Variants in FTO observed in about 807,000 individuals in gnomAD.
The protein encoded by FTO is alpha-ketoglutarate-dependent dioxygenase FTO.
A neutral mutation model predicts 63.9 loss-of-function variants in FTO; 47 were observed. That is an observed-to-expected ratio of 0.74 (90% CI 0.58 to 0.94). The LOEUF (loss-of-function observed/expected upper bound fraction) is 0.94, where lower values mean the gene tolerates loss of function less well. Among genes scored for constraint, FTO ranks in the 40% least tolerant of loss-of-function variants. The pLI, the probability that FTO is intolerant of heterozygous loss-of-function variation, is 0.00. For missense variants in FTO, 562 were observed against 618.1 expected (o/e 0.91, Z 0.96); for synonymous variants, 207 against 224.4 (o/e 0.92, Z 0.69).
At chr16:53,893,056 T>C (rs2081192839) in intron 7 of FTO, among the ~76,000 whole-genome samples, 1 of 152,164 alleles carries the variant, frequency 6.6e-6, no homozygotes, top group Non-Finnish European at 1.5e-5. Flanking sequence ...GCGGATAGTT[T>C]TACTCCATCC....
intron 1 of FTO, among the ~76,000 whole-genome samples, chr16:53,789,794 A>G (rs1226094941): frequency 6.7e-6 from 1 of 150,304 alleles, no homozygotes; most frequent in Admixed American, 6.6e-5. Context: ...ATATGTATGT[A>G]TGTATACATG....
At chr16:54,032,580 CCAAA>C (rs1440715580) in intron 8 of FTO, among the ~76,000 whole-genome samples, 7 of 152,264 alleles carry the variant, frequency 4.6e-5, no homozygotes, top group East Asian at 1.9e-4. Flanking sequence ...GAAAAAGAAT[CCAAA>C]CAGTTTGTTG....
chr16:53,976,009 T>C (rs1295493114), intron 8 of FTO, among the ~76,000 whole-genome samples: 1 of 152,198 alleles, frequency 6.6e-6, no homozygotes, highest in African/African-American at 2.4e-5. Flanking sequence ...GACTCTGTGC[T>C]ACCTCTCCAA....
rs561854258 is a variant in FTO, at chr16:53,880,052, C to T, written c.1119+65C>T. 8.8e-5 allele frequency: 108 copies of T among 1,233,840 alleles called. No individual in the cohort carries two copies. In the South Asian group the frequency reaches 1.0e-3, roughly 12 times the overall value. The allele number at this position is 1,233,840 out of a possible 1,614,324, so 76.4% of individuals were successfully genotyped here. On this transcript the variant is annotated intron_variant, in intron 6 of 8. Transcript: ENST00000471389. ...CTCTGTCACCCAGGCTGGAGTGCAG[C>T]GGCATGACCTCGGCTCACTACAACC...
intron 8 of FTO, chr16:53,935,590 A>G (rs748158228): frequency 6.6e-6 from 1 of 152,158 alleles, no homozygotes; most frequent in Non-Finnish European, 1.5e-5. Context: ...GTTTATAAAA[A>G]TAGACACAGG....
chr16:54,086,720 T>A, intron 8 of FTO, among the ~76,000 whole-genome samples: 1 of 152,214 alleles, frequency 6.6e-6, no homozygotes, highest in East Asian at 1.9e-4. Flanking sequence ...TCTCAATGAT[T>A]TTCTGTCTCT....
chr16:53,820,365 A>G (rs1168906101), intron 2 of FTO, among the ~76,000 whole-genome samples: 1 of 152,148 alleles, frequency 6.6e-6, no homozygotes, highest in Non-Finnish European at 1.5e-5. Flanking sequence ...TATTAAACTA[A>G]TAATAGTTTA....
At chr16:54,028,248 G>T (rs1172968761) in intron 8 of FTO, among the ~76,000 whole-genome samples, 1 of 152,118 alleles carries the variant, frequency 6.6e-6, no homozygotes, top group African/African-American at 2.4e-5. Context: ...GATCCCTTTG[G>T]CTTGGCCCAC....
rs542537087 is a variant in FTO at position 54,106,213 on chromosome 16, C to T, written c.1365-5549C>T. On this transcript the variant is annotated intron_variant, in intron 8 of 8. Coordinates refer to ENST00000471389, the MANE Select transcript of FTO (RefSeq NM_001080432.3). ...CGATCTTCTAAATGTAAGTGCAGCC[C>T]TGGGGGAAATCAGCGGGCAGTGACG... 1.6e-4 allele frequency among the ~76,000 whole-genome samples: 25 copies of T among 152,108 alleles called. No individual in the cohort carries two copies. The South Asian group carries it at 5.0e-3, about 30-fold the overall frequency.
intron 8 of FTO, among the ~76,000 whole-genome samples, chr16:54,061,029 A>G (rs2085557013): frequency 6.6e-6 from 1 of 152,198 alleles, no homozygotes; most frequent in Non-Finnish European, 1.5e-5. Context: ...ACTCTCTGCT[A>G]AACAGACTCC....
chr16:53,937,393 C>G (rs1010614319), intron 8 of FTO: 1 of 396,034 alleles, frequency 2.5e-6, no homozygotes, highest in Non-Finnish European at 4.4e-6. Context: ...TTTTAAAGAA[C>G]TGGGCGAGCC....
At chr16:53,753,639 C>T (rs1308801554) in intron 1 of FTO, among the ~76,000 whole-genome samples, 2 of 152,210 alleles carry the variant, frequency 1.3e-5, no homozygotes, top group African/African-American at 4.8e-5. Flanking sequence ...CCCACATTCA[C>T]TCAGTAAGAC....
At chr16:54,047,297 C>T in intron 8 of FTO, among the ~76,000 whole-genome samples, 1 of 11,394 alleles carries the variant, frequency 8.8e-5, no homozygotes, top group Non-Finnish European at 2.1e-4. Context: ...AAAAAGTGGG[C>T]AAAGGACATG....
intron 8 of FTO, among the ~76,000 whole-genome samples, chr16:53,957,362 G>A (rs894662844): frequency 2.6e-5 from 4 of 152,170 alleles, no homozygotes; most frequent in Non-Finnish European, 5.9e-5. Flanking sequence ...ATTCTTCAGA[G>A]TGTGTTGCTT....
chr16:53,965,704 T>C (rs1036190018), intron 8 of FTO: 1 of 152,132 alleles, frequency 6.6e-6, no homozygotes, highest in East Asian at 1.9e-4. Flanking sequence ...ATTCTCTCTT[T>C]TCTCTCTGTT....
intron 1 of FTO, among the ~76,000 whole-genome samples, chr16:53,759,036 A>G (rs969760126): frequency 2.0e-5 from 3 of 152,176 alleles, no homozygotes; most frequent in African/African-American, 4.8e-5. Context: ...GATAGATAAA[A>G]TGAGATTGGC....
chr16:53,851,051 A>G (rs927489203), intron 4 of FTO, among the ~76,000 whole-genome samples: 13 of 152,140 alleles, frequency 8.5e-5, no homozygotes, highest in African/African-American at 2.7e-4. Flanking sequence ...TACCTGGTAA[A>G]GCTTTTGTCC....
intron 8 of FTO, among the ~76,000 whole-genome samples, chr16:54,083,635 C>CT (rs2086198427): frequency 6.6e-6 from 1 of 152,124 alleles, no homozygotes; most frequent in Non-Finnish European, 1.5e-5. Context: ...AAGTTCTGCA[C>CT]TTTGCCTCGA....
chr16:54,007,823 G>A (rs2084245776), intron 8 of FTO, among the ~76,000 whole-genome samples: 1 of 152,234 alleles, frequency 6.6e-6, no homozygotes, highest in African/African-American at 2.4e-5. Context: ...AACTTGTAAA[G>A]GTGGTTGCTT....
Sources: gnomAD v4.1 joint callset for allele counts (sites outside exome capture counted in the v4.1 genomes callset) on GRCh38, gnomAD v4.1.1 for gene constraint, MANE v1.5 for transcripts, NCBI Gene and HGNC (gene_info 2026-07-23, HGNC 2026-07-21) for gene names.